The following PTP4A3 variants were observed in gnomAD, a reference collection of about 807,000 sequenced individuals.
PTP4A3 encodes the protein protein tyrosine phosphatase 4A3, also known as protein tyrosine phosphatase type IVA 3.
In PTP4A3, 9 loss-of-function variants were observed where a neutral mutation model predicts 15.2. The observed-to-expected ratio is 0.59, with a 90% CI of 0.36 to 1.03. PTP4A3 has a LOEUF of 1.03. Among genes scored for constraint, PTP4A3 ranks in the 50% least tolerant of loss-of-function variants. The pLI is 0.02. For missense variants in PTP4A3, 234 were observed against 252.1 expected (o/e 0.93, Z 0.49); for synonymous variants, 95 against 102.0 (o/e 0.93, Z 0.41).
intron 1 of PTP4A3, among the ~76,000 whole-genome samples, chr8:141,402,247 A>G (rs1832611728): frequency 6.6e-6 from 1 of 152,290 alleles, no homozygotes; most frequent in African/African-American, 2.4e-5. Context: ...GGATGGGACC[A>G]GTCGGGGTAC....
At chr8:141,427,504 A>C (rs543299511) in intron 4 of PTP4A3, among the ~76,000 whole-genome samples, 38 of 152,296 alleles carry the variant, frequency 2.5e-4, no homozygotes, top group African/African-American at 9.1e-4. Context: ...GGCTCTTAGC[A>C]CTTCACCCGC....
rs1172651316 is a variant in PTP4A3, at chr8:141,392,076, G to C, written c.-862G>C. ...CCACCCGTCGTGCCGGCGCCGCCCGGACCGCCAGGTCAGTCTCCTCCGCGC... is the reference window on the plus strand; with the variant it reads ...CCACCCGTCGTGCCGGCGCCGCCCGCACCGCCAGGTCAGTCTCCTCCGCGC... On this transcript the variant is annotated 5_prime_UTR_variant, in exon 1 of 6. Coordinates refer to ENST00000521578, the MANE Select transcript of PTP4A3 (RefSeq NM_032611.3). The C allele has an allele frequency of 2.7e-5, 4 of 146,878 alleles. No homozygotes were observed. The highest frequency in any genetic ancestry group is 4.5e-5 in the Non-Finnish European group (3 of 65,988). 9.1% of individuals were successfully genotyped at this position (146,878 alleles called of 1,614,324 possible).
chr8:141,423,828 T>C (rs116648297), intron 2 of PTP4A3, among the ~76,000 whole-genome samples: 3,824 of 145,192 alleles, frequency 0.026, 161 homozygotes, highest in African/African-American at 0.092. Context: ...GGTTAACGCT[T>C]AGTGTCTGAC....
chr8:141,417,721 G>C (rs1833115707), intron 1 of PTP4A3, among the ~76,000 whole-genome samples: 1 of 151,738 alleles, frequency 6.6e-6, no homozygotes, highest in African/African-American at 2.4e-5. Context: ...GCCGCGCCCC[G>C]CACTTCCCTT....
chr8:141,393,990 G>T (rs954235470), intron 1 of PTP4A3, among the ~76,000 whole-genome samples: 1 of 152,218 alleles, frequency 6.6e-6, no homozygotes, highest in Non-Finnish European at 1.5e-5. Context: ...CTACACAGAC[G>T]TGACTTTACT....
intron 2 of PTP4A3, 112 bp downstream of exon 2, chr8:141,422,457 G>T: frequency 1.7e-6 from 2 of 1,152,524 alleles, no homozygotes; most frequent in East Asian, 2.4e-5. Context: ...GCCAGACAGG[G>T]CTCACAGCCT....
intron 1 of PTP4A3, among the ~76,000 whole-genome samples, chr8:141,404,315 C>T (rs1412062409): frequency 1.3e-5 from 2 of 152,284 alleles, no homozygotes; most frequent in Non-Finnish European, 2.9e-5. Flanking sequence ...TCTTCGGGGC[C>T]TCTGCGCCTC....
chr8:141,425,334 A>G lies in PTP4A3; in HGVS notation c.198+194A>G. Among the ~76,000 whole-genome samples, 1 of 151,588 alleles carries G rather than the reference A, an allele frequency of 6.6e-6. No individual in the cohort carries two copies. Among genetic ancestry groups the G allele is most frequent in the Non-Finnish European group, 1.5e-5 (1 of 67,886 alleles). On this transcript the variant is annotated intron_variant, in intron 3 of 5. Coordinates refer to ENST00000521578, the MANE Select transcript of PTP4A3 (RefSeq NM_032611.3). This position sits in a 1 kb window ranked among gnomAD's most constrained non-coding sequence, Gnocchi z 4.2. ...TGGGCCGTGTGACCTCAAGAAAGTC[A>G]CCCTTGCGCACCCGTCTTTCTGTCT...
At chr8:141,394,860 G>GT (rs1008888439) in intron 1 of PTP4A3, among the ~76,000 whole-genome samples, 8 of 152,236 alleles carry the variant, frequency 5.3e-5, no homozygotes, top group Non-Finnish European at 1.0e-4. Context: ...ACTTCGCACA[G>GT]TTACGTGGTC....
rs145589058 is a variant in PTP4A3, at chr8:141,431,027, C to T, written c.505C>T (p.Arg169Trp). The change falls in exon 6 of 6, where the codon CGG becomes TGG. Residue 169 changes from arginine to tryptophan, a missense_variant. Physicochemically the swap from Arg to Trp is moderately radical, Grantham distance 101. Coordinates refer to ENST00000521578, the MANE Select transcript of PTP4A3 (RefSeq NM_032611.3). ...RFKDPHTHKT[R>W]CCVM ...CAAAGACCCACACACGCACAAGACCCGGTGCTGCGTTATGTAGCTCAGGAC... is the reference window on the plus strand; with the variant it reads ...CAAAGACCCACACACGCACAAGACCTGGTGCTGCGTTATGTAGCTCAGGAC... 1,739 of 1,613,156 alleles carry T rather than the reference C, an allele frequency of 1.1e-3. 11 individuals are homozygous for T. Among genetic ancestry groups the T allele is most frequent in the Admixed American group, 2.7e-3 (161 of 60,012 alleles).
chr8:141,425,782 C>A lies in PTP4A3; in HGVS notation c.198+642C>A, dbSNP rs1004298296. On this transcript the variant is annotated intron_variant, in intron 3 of 5. Coordinates refer to ENST00000521578, the MANE Select transcript of PTP4A3 (RefSeq NM_032611.3). This position sits in a 1 kb window ranked among gnomAD's most constrained non-coding sequence, Gnocchi z 4.2. ...ACCCCTCAGTCACTGCTTTTCATCC[C>A]AGGACTCTGCTTTTGGCTGGGGTTG... is the stretch of plus-strand genomic sequence containing the variant. Among the ~76,000 whole-genome samples the A allele has an allele frequency of 6.6e-6, 1 of 152,240 alleles. No homozygotes were observed. Among genetic ancestry groups the A allele is most frequent in the Non-Finnish European group, 1.5e-5 (1 of 68,030 alleles).
intron 1 of PTP4A3, among the ~76,000 whole-genome samples, chr8:141,420,427 G>A (rs899362656): frequency 6.6e-6 from 1 of 152,340 alleles, no homozygotes; most frequent in South Asian, 2.1e-4. Flanking sequence ...AGAGAGGGAA[G>A]GGGGCTGCGT....
At chr8:141,418,381 C>G (rs577897776) in intron 1 of PTP4A3, among the ~76,000 whole-genome samples, 24 of 152,360 alleles carry the variant, frequency 1.6e-4, no homozygotes, top group African/African-American at 5.5e-4. Context: ...ATTTCCTCTT[C>G]TGTGCAGGGC....
intron 1 of PTP4A3, among the ~76,000 whole-genome samples, chr8:141,417,480 G>A (rs1432612247): frequency 2.0e-5 from 3 of 152,130 alleles, no homozygotes. Context: ...CACCTGCACG[G>A]CGGGGCCGCA....
intron 5 of PTP4A3, among the ~76,000 whole-genome samples, chr8:141,428,101 A>C (rs547495902): frequency 6.6e-6 from 1 of 152,044 alleles, no homozygotes; most frequent in South Asian, 2.1e-4. Context: ...CTTCTGTCGC[A>C]GCCATCCTGA....
chr8:141,426,946 C>A lies in PTP4A3; in HGVS notation c.206C>A (p.Pro69Gln), dbSNP rs752190427. 3 of 1,611,140 alleles carry A rather than the reference C, an allele frequency of 1.9e-6. No homozygotes were observed. The highest frequency in any genetic ancestry group is 1.3e-5 in the African/African-American group (1 of 74,924). ...EKDGITVVDW[P>Q]FDDGAPPPGK... ...GTCTGCTTCCCTCCGTAGGACTGGC[C>A]GTTTGACGATGGGGCGCCCCCGCCC... The change falls in exon 4 of 6, where the codon CCG becomes CAG. Residue 69 changes from proline (P) to glutamine (Q), a missense_variant. Pro to Gln is a moderately conservative substitution (Grantham distance 76, BLOSUM62 -1). Transcript: ENST00000521578.
intron 1 of PTP4A3, among the ~76,000 whole-genome samples, chr8:141,410,947 C>T (rs7003915): frequency 0.37 from 56,693 of 151,948 alleles, 12,904 homozygotes; most frequent in African/African-American, 0.63. Flanking sequence ...CTCGCACCCT[C>T]TCTGAGCCTC....
At chr8:141,430,818 C>T (rs563096703) in intron 5 of PTP4A3, 109 bp from the exon 6 acceptor site, 12 of 1,050,162 alleles carry the variant, frequency 1.1e-5, no homozygotes, top group Admixed American at 6.0e-5. Flanking sequence ...TGGCCAGCCT[C>T]AAGGCCTTAC....
At chr8:141,405,422 C>T (rs1206289046) in intron 1 of PTP4A3, among the ~76,000 whole-genome samples, 1 of 152,208 alleles carries the variant, frequency 6.6e-6, no homozygotes, top group Non-Finnish European at 1.5e-5. Context: ...CCCAAGACCA[C>T]CCAAGCAGTG....
Sources: allele counts gnomAD v4.1 joint callset (sites outside exome capture counted in the v4.1 genomes callset), GRCh38; gene constraint gnomAD v4.1.1; non-coding constraint Gnocchi (gnomAD v3.1); transcripts MANE v1.5; gene names NCBI Gene and HGNC (gene_info 2026-07-23, HGNC 2026-07-21).